Variants in KIAA1549L observed in about 807,000 individuals in gnomAD.
KIAA1549L encodes UPF0606 protein KIAA1549L.
In KIAA1549L, 88 loss-of-function variants were observed where a neutral mutation model predicts 160.7. The observed-to-expected ratio is 0.55, with a 90% CI of 0.46 to 0.65. KIAA1549L has a LOEUF of 0.65. Ranked by LOEUF, KIAA1549L falls within the 30% of genes least tolerant of loss-of-function variation. The pLI is 0.00. For missense variants in KIAA1549L, 2,258 were observed against 2,437.5 expected (o/e 0.93, Z 1.55); for synonymous variants, 950 against 976.7 (o/e 0.97, Z 0.51).
At chr11:33,495,172 A>G (rs1248683707) in intron 1 of KIAA1549L, among the ~76,000 whole-genome samples, 3 of 151,960 alleles carry the variant, frequency 2.0e-5, no homozygotes, top group African/African-American at 7.3e-5. Context: ...CATGTCCACA[A>G]TGTGCAGGTT....
chr11:33,521,356 G>A (rs1590307320), intron 1 of KIAA1549L, among the ~76,000 whole-genome samples: 1 of 152,148 alleles, frequency 6.6e-6, no homozygotes, highest in East Asian at 1.9e-4. Context: ...CTTACTTACC[G>A]ACTGTATGAC....
chr11:33,390,149 G>T (rs547576052), intron 1 of KIAA1549L, among the ~76,000 whole-genome samples: 1 of 152,342 alleles, frequency 6.6e-6, no homozygotes, highest in South Asian at 2.1e-4. Context: ...CTGAGGCACA[G>T]AATAACTTAA....
Position 33,645,811 on chromosome 11 carries a change from C to A in KIAA1549L, c.5535C>A (p.Asp1845Glu), listed in dbSNP as rs577633531. 1.9e-6 allele frequency: 3 copies of A among 1,613,968 alleles called. No homozygotes were observed. The highest frequency in any genetic ancestry group is 2.2e-5 in the South Asian group (2 of 91,082). The change falls in exon 17 of 21, where the codon GAC becomes GAA. Residue 1845 changes from aspartate to glutamate, a missense_variant. Coordinates refer to ENST00000658780, the MANE Select transcript of KIAA1549L (RefSeq NM_012194.3). ...TSTLSSQPSI[D>E]EVRQQMHMLL... is the part of the protein sequence containing the mutation. ...CACTGAGCTCCCAGCCATCCATCGA[C>A]GAGGTCAGGCAGCAGATGCACATGC... is the stretch of plus-strand genomic sequence containing the variant.
chr11:33,506,308 T>C (rs577620341), intron 1 of KIAA1549L, among the ~76,000 whole-genome samples: 2 of 152,196 alleles, frequency 1.3e-5, no homozygotes, highest in Admixed American at 6.5e-5. Flanking sequence ...TGAGATGCAG[T>C]TAGTCTAAAG....
Position 33,672,779 on chromosome 11 carries a change from A to G in KIAA1549L, c.*4625A>G, listed in dbSNP as rs1268302444. 4 of 153,818 alleles carry G rather than the reference A, an allele frequency of 2.6e-5. No individual in the cohort carries two copies. Among genetic ancestry groups the G allele is most frequent in the African/African-American group, 7.2e-5 (3 of 41,470 alleles). The allele number at this position is 153,818 out of a possible 1,614,324, so 9.5% of individuals were successfully genotyped here. ...AGTTATTGATACAGCCGCTGGGTCT[A>G]GGAAGCGATTTCTGAACAAGGCCCA... is the stretch of plus-strand genomic sequence containing the variant. On this transcript the variant is annotated 3_prime_UTR_variant, in exon 21 of 21. Transcript: ENST00000658780.
intron 1 of KIAA1549L, among the ~76,000 whole-genome samples, chr11:33,386,506 C>T (rs1850175841): frequency 6.6e-6 from 1 of 151,950 alleles, no homozygotes; most frequent in African/African-American, 2.4e-5. Context: ...CATGGTGAAA[C>T]CCTGTCTCTA....
chr11:33,542,305 T>A lies in KIAA1549L; in HGVS notation c.742T>A (p.Ser248Thr). 3.1e-6 allele frequency: 2 copies of A among 651,112 alleles called. No individual in the cohort carries two copies. Among genetic ancestry groups the A allele is most frequent in the Admixed American group, 4.7e-5 (2 of 42,390 alleles). The allele number at this position is 651,112 out of a possible 1,614,324, so 40.3% of individuals were successfully genotyped here. The part of the protein sequence containing the change: ...DIPPLLPLPP[S>T]SSLAPDSPHS... ...TCCCCCACTCCTCCCTCTACCTCCA[T>A]CCTCTTCATTGGCTCCTGACTCACC... The change falls in exon 2 of 21, where the codon TCC becomes ACC. Residue 248 changes from serine (S) to threonine (T), a missense_variant. Ser to Thr is a moderately conservative substitution (Grantham distance 58). This residue lies in a region of KIAA1549L where 540 missense variants were observed against 465.7 expected (regional missense o/e 1.16). Transcript: ENST00000658780.
intron 18 of KIAA1549L, among the ~76,000 whole-genome samples, chr11:33,657,249 C>A (rs1219616564): frequency 6.6e-6 from 1 of 152,100 alleles, no homozygotes; most frequent in African/African-American, 2.4e-5. Flanking sequence ...CTTGGTTACT[C>A]CTGAGAGTCC....
chr11:33,597,259 C>T (rs555840079), intron 12 of KIAA1549L, among the ~76,000 whole-genome samples: 18 of 152,288 alleles, frequency 1.2e-4, no homozygotes, highest in African/African-American at 3.4e-4. Context: ...TAGTGTGCCA[C>T]GGAATGTTCT....
chr11:33,579,555 C>G (rs10836077), intron 10 of KIAA1549L, among the ~76,000 whole-genome samples: 56,935 of 151,878 alleles, frequency 0.37, 13,638 homozygotes, highest in African/African-American at 0.69. Context: ...AGATTCAGCT[C>G]CCACTTACTA....
In KIAA1549L at chr11:33,559,796, C is replaced by G. The variant is rs777566871; in HGVS notation, c.3903C>G (p.Val1301=). 6.2e-7 allele frequency: 1 copy of G among 1,613,872 alleles called. No homozygotes were observed. Among genetic ancestry groups the G allele is most frequent in the Non-Finnish European group, 8.5e-7 (1 of 1,179,864 alleles). ...CCCAGGCAGTCACCTTGGTGTACGT[C>G]GTGGGCAATCAGAGCACATTCCTCA... ...NASQAVTLVY[V]VGNQSTFLNG... The change falls in exon 7 of 21, where the codon GTC becomes GTG. Residue 1301 remains valine (V), a synonymous_variant. Coordinates refer to ENST00000658780, the MANE Select transcript of KIAA1549L (RefSeq NM_012194.3).
chr11:33,403,733 T>C (rs1850588345), intron 1 of KIAA1549L: 2 of 152,268 alleles, frequency 1.3e-5, no homozygotes, highest in Admixed American at 1.3e-4. Flanking sequence ...CTTCTCTTCC[T>C]CCCTTTCTTT....
chr11:33,454,775 C>T (rs896049826), intron 1 of KIAA1549L, among the ~76,000 whole-genome samples: 11 of 152,194 alleles, frequency 7.2e-5, no homozygotes, highest in Admixed American at 3.9e-4. Flanking sequence ...AAGGAATTGC[C>T]GCTTCAAAAT....
chr11:33,394,803 G>C (rs115891153), intron 1 of KIAA1549L, among the ~76,000 whole-genome samples: 3 of 152,312 alleles, frequency 2.0e-5, no homozygotes, highest in Admixed American at 2.0e-4. Context: ...GGGGACCCAG[G>C]GTCCTTCCAT....
At chr11:33,622,032 G>T (rs975882788) in intron 16 of KIAA1549L, among the ~76,000 whole-genome samples, 18 of 152,170 alleles carry the variant, frequency 1.2e-4, no homozygotes, top group African/African-American at 4.3e-4. Flanking sequence ...TGCCAGTCCT[G>T]TGGGCTCAGA....
intron 1 of KIAA1549L, among the ~76,000 whole-genome samples, chr11:33,421,260 G>C (rs1311441852): frequency 3.3e-5 from 5 of 150,548 alleles, no homozygotes; most frequent in Non-Finnish European, 3.0e-5. Flanking sequence ...GTGGGTGGGG[G>C]TGGGAAGTGT....
intron 12 of KIAA1549L, 43 bp from the exon 13 acceptor site, chr11:33,598,777 A>G (rs368640671): frequency 4.1e-5 from 66 of 1,611,904 alleles, no homozygotes; most frequent in Middle Eastern, 3.3e-4. Flanking sequence ...CGGCTGCTCT[A>G]GTTGAAACTT....
chr11:33,471,398 T>C (rs1240190462), intron 1 of KIAA1549L, among the ~76,000 whole-genome samples: 3 of 152,108 alleles, frequency 2.0e-5, no homozygotes, highest in Admixed American at 6.6e-5. Context: ...TTTGCAACAT[T>C]GGTAAACTTT....
intron 11 of KIAA1549L, among the ~76,000 whole-genome samples, chr11:33,587,348 A>G (rs934607535): frequency 3.3e-5 from 5 of 152,190 alleles, no homozygotes; most frequent in Non-Finnish European, 7.3e-5. Context: ...GCAGTTGATT[A>G]ATCTCAGGTA....
Sources: allele counts gnomAD v4.1 joint callset (sites outside exome capture counted in the v4.1 genomes callset), GRCh38; gene constraint gnomAD v4.1.1; regional missense constraint gnomAD v4.1.1; transcripts MANE v1.5; gene names NCBI Gene and HGNC (gene_info 2026-07-23, HGNC 2026-07-21).